DSCAM: variants seen among roughly 807,000 people sequenced by gnomAD.
DSCAM encodes the protein DS cell adhesion molecule, also known as cell adhesion molecule DSCAM.
In DSCAM, 47 loss-of-function variants were observed where a neutral mutation model predicts 217.7. That is an observed-to-expected ratio of 0.22 (90% CI 0.17 to 0.28). DSCAM has a LOEUF of 0.28. Ranked by LOEUF, DSCAM falls within the 10% of genes least tolerant of loss-of-function variation. The pLI, the probability that DSCAM is intolerant of heterozygous loss-of-function variation, is 1.00. For missense variants in DSCAM, 2,080 were observed against 2,618.3 expected, an observed-to-expected ratio of 0.79 and a Z score of 4.49; for synonymous variants, 1,056 against 1,015.3, an observed-to-expected ratio of 1.04 and a Z score of -0.76.
chr21:40,469,220 C>T (rs796126417), intron 3 of DSCAM, among the ~76,000 whole-genome samples: 1 of 152,240 alleles, frequency 6.6e-6, no homozygotes. Context: ...AAATTACTTC[C>T]AAACTTATAT....
Position 40,165,233 on chromosome 21 carries a change from T to A in DSCAM, c.3018+1985A>T, listed in dbSNP as rs946200797. On this transcript the variant is annotated intron_variant, in intron 16 of 32. Coordinates refer to ENST00000400454, the MANE Select transcript of DSCAM (RefSeq NM_001389.5). ...GAATTTTATGCCATAAATAAAGGCA[T>A]GTTATATGTAACATATTGTCCTTTA... is the stretch of plus-strand genomic sequence containing the variant. Among the ~76,000 whole-genome samples, 3 of 152,388 alleles carry A rather than the reference T, an allele frequency of 2.0e-5. No individual in the cohort carries two copies. In the East Asian group the frequency reaches 5.8e-4, roughly 29 times the overall value.
chr21:40,604,814 C>T (rs952171779), intron 3 of DSCAM, among the ~76,000 whole-genome samples: 1 of 152,124 alleles, frequency 6.6e-6, no homozygotes, highest in Non-Finnish European at 1.5e-5. Flanking sequence ...TTGCAGTATA[C>T]CCAAGTCCCT....
chr21:40,466,141 C>T (rs1463527727), intron 3 of DSCAM, among the ~76,000 whole-genome samples: 2 of 152,178 alleles, frequency 1.3e-5, no homozygotes, highest in Non-Finnish European at 2.9e-5. Context: ...TGCTTATGAA[C>T]AACTAAGGAG....
chr21:40,535,744 T>C lies in DSCAM; in HGVS notation c.508+157066A>G, dbSNP rs1410931521. ...AGATAAATACATAACATGCTAAAGG[T>C]TGGTGGTTGTGAGACTGTAGAGAGA... On this transcript the variant is annotated intron_variant, in intron 3 of 32. Transcript: ENST00000400454. Among the ~76,000 whole-genome samples the C allele has an allele frequency of 3.9e-5, 6 of 152,058 alleles. No homozygotes were observed. In the South Asian group the frequency reaches 8.3e-4, roughly 21 times the overall value.
intron 30 of DSCAM, among the ~76,000 whole-genome samples, chr21:40,046,073 C>T (rs2088836953): frequency 6.6e-6 from 1 of 152,206 alleles, no homozygotes; most frequent in Non-Finnish European, 1.5e-5. Context: ...TGTTACTTGA[C>T]CACATATGGC....
At chr21:40,245,340 A>T (rs1049357982) in intron 11 of DSCAM, among the ~76,000 whole-genome samples, 1 of 152,202 alleles carries the variant, frequency 6.6e-6, no homozygotes, top group Non-Finnish European at 1.5e-5. Flanking sequence ...TATCCTAACA[A>T]GGGCAAGTCC....
At chr21:40,064,857 G>A (rs1369214455) in intron 27 of DSCAM, among the ~76,000 whole-genome samples, 2 of 152,136 alleles carry the variant, frequency 1.3e-5, no homozygotes, top group Non-Finnish European at 2.9e-5. Flanking sequence ...CTTCTACCTG[G>A]GCCAAAGGGA....
At chr21:40,420,127 T>C (rs1209095257) in intron 3 of DSCAM, among the ~76,000 whole-genome samples, 3 of 152,080 alleles carry the variant, frequency 2.0e-5, no homozygotes, top group Non-Finnish European at 1.5e-5. Context: ...TCAAGAAAAC[T>C]CATATTTTCA....
chr21:40,445,429 T>C (rs933749343), intron 3 of DSCAM, among the ~76,000 whole-genome samples: 9 of 152,238 alleles, frequency 5.9e-5, no homozygotes. Context: ...TGTGTTTGTT[T>C]TGTTATCCCA....
chr21:40,197,330 G>C (rs1437540073), intron 11 of DSCAM, among the ~76,000 whole-genome samples: 1 of 152,080 alleles, frequency 6.6e-6, no homozygotes, highest in African/African-American at 2.4e-5. Flanking sequence ...TTGTTAGCCA[G>C]GATGGTCTCG....
chr21:40,717,639 T>C (rs2090856584), intron 1 of DSCAM, among the ~76,000 whole-genome samples: 1 of 152,208 alleles, frequency 6.6e-6, no homozygotes, highest in South Asian at 2.1e-4. Context: ...AGTCGACTAG[T>C]GGCTTACTTA....
At chr21:40,294,677 A>T (rs2073933886) in intron 10 of DSCAM, among the ~76,000 whole-genome samples, 1 of 152,242 alleles carries the variant, frequency 6.6e-6, no homozygotes, top group Non-Finnish European at 1.5e-5. Flanking sequence ...AATGTTGAAG[A>T]AGGCAAATGT....
At chr21:40,781,961 A>C (rs1046748984) in intron 1 of DSCAM, among the ~76,000 whole-genome samples, 2 of 141,508 alleles carry the variant, frequency 1.4e-5, no homozygotes, top group African/African-American at 5.3e-5. Flanking sequence ...ATCCTGGCTA[A>C]CACGATGAAA....
At chr21:40,796,118 C>A (rs751940232) in intron 1 of DSCAM, among the ~76,000 whole-genome samples, 3 of 152,206 alleles carry the variant, frequency 2.0e-5, no homozygotes, top group Non-Finnish European at 4.4e-5. Flanking sequence ...AAAGTGTGTT[C>A]TTGTCCCAAC....
At chr21:40,714,715 C>T (rs1278079863) in intron 1 of DSCAM, among the ~76,000 whole-genome samples, 2 of 152,156 alleles carry the variant, frequency 1.3e-5, no homozygotes, top group Admixed American at 6.5e-5. Context: ...TCAGATGAGA[C>T]TTTGGACTTT....
At chr21:40,260,494 G>A (rs1053563768) in intron 11 of DSCAM, among the ~76,000 whole-genome samples, 18 of 152,174 alleles carry the variant, frequency 1.2e-4, no homozygotes, top group Non-Finnish European at 2.4e-4. Flanking sequence ...ACTCTGCTCC[G>A]TAGCTGTTGT....
intron 3 of DSCAM, among the ~76,000 whole-genome samples, chr21:40,556,527 G>C (rs1471477046): frequency 1.3e-5 from 2 of 152,106 alleles, no homozygotes; most frequent in Non-Finnish European, 1.5e-5. Context: ...GGTTTATTTG[G>C]CTCACAATTC....
intron 3 of DSCAM, among the ~76,000 whole-genome samples, chr21:40,553,553 C>T (rs1338136396): frequency 6.6e-6 from 1 of 152,178 alleles, no homozygotes; most frequent in Non-Finnish European, 1.5e-5. Context: ...TAACTCTTTG[C>T]AAACAAATAA....
chr21:40,042,441 A>G lies in DSCAM; in HGVS notation c.5616T>C (p.Thr1872=), dbSNP rs753700786. Residue 1872 remains threonine, a synonymous_variant, in exon 32 of 33, where the codon ACT becomes ACC. Coordinates refer to ENST00000400454, the MANE Select transcript of DSCAM (RefSeq NM_001389.5). ...TPSESGICRF[T]ASPPKPQDGG... ...CATCCTGAGGTTTGGGGGGAGATGC[A>G]GTGAACCTGCAGATTCCCGATTCGG... 6 of 1,614,088 alleles carry G rather than the reference A, an allele frequency of 3.7e-6. No individual in the cohort carries two copies. The Admixed American group carries it at 5.0e-5, about 13-fold the overall frequency.
Sources: gnomAD v4.1 joint callset for allele counts (sites outside exome capture counted in the v4.1 genomes callset) on GRCh38, gnomAD v4.1.1 for gene constraint, MANE v1.5 for transcripts, NCBI Gene and HGNC (gene_info 2026-07-23, HGNC 2026-07-21) for gene names.